TUBGCP4: variants seen among roughly 807,000 people sequenced by gnomAD.
TUBGCP4 encodes gamma-tubulin complex component 4.
TUBGCP4 carries 54 observed loss-of-function variants against 91.6 expected under a neutral mutation model. That is an observed-to-expected ratio of 0.59 (90% CI 0.47 to 0.74). The LOEUF is 0.74. TUBGCP4 is among the 30% of genes least tolerant of loss of function. TUBGCP4 has a pLI of 0.00. For missense variants in TUBGCP4, 593 were observed against 800.9 expected, an observed-to-expected ratio of 0.74 and a Z score of 3.13; for synonymous variants, 297 against 302.8, an observed-to-expected ratio of 0.98 and a Z score of 0.20.
At chr15:43,390,515 C>CTTT (rs201543896) in intron 9 of TUBGCP4, among the ~76,000 whole-genome samples, 2 of 137,038 alleles carry the variant, frequency 1.5e-5, no homozygotes, top group African/African-American at 5.4e-5. Flanking sequence ...TTTCTTTTTT[C>CTTT]TTTTTTTTTT....
rs1316454427 is a variant in TUBGCP4, at chr15:43,408,984, T to A, written c.*3770T>A. The stretch of plus-strand genomic sequence containing the variant: ...CTGGAGCTGGTTGGCATGGCAACTA[T>A]CATGGACCCAGACATGAGACACACA... On this transcript the variant is annotated 3_prime_UTR_variant, in exon 18 of 18. Coordinates refer to ENST00000564079, the MANE Select transcript of TUBGCP4 (RefSeq NM_014444.5). 1.9e-6 allele frequency: 3 copies of A among 1,614,076 alleles called. No homozygotes were observed. Among genetic ancestry groups the A allele is most frequent in the Non-Finnish European group, 2.5e-6 (3 of 1,180,040 alleles).
At chr15:43,386,443 G>C (rs1325164490) in intron 9 of TUBGCP4, 113 bp downstream of exon 9, 1 of 133,794 alleles carries the variant, frequency 7.5e-6, no homozygotes, top group Non-Finnish European at 1.4e-5. Flanking sequence ...TGAGTTACTT[G>C]GTCGGGCGCA....
chr15:43,379,879 G>A (rs2044262620), intron 5 of TUBGCP4, among the ~76,000 whole-genome samples: 1 of 152,194 alleles, frequency 6.6e-6, no homozygotes, highest in African/African-American at 2.4e-5. Flanking sequence ...TTCTAACCAA[G>A]AGTTTGCATG....
intron 14 of TUBGCP4, among the ~76,000 whole-genome samples, chr15:43,400,840 C>T (rs1304654675): frequency 6.6e-6 from 1 of 151,632 alleles, no homozygotes; most frequent in African/African-American, 2.4e-5. Context: ...ATCGCTTGAA[C>T]CTGGGAGGTG....
chr15:43,403,717 G>C lies in TUBGCP4; in HGVS notation c.1766G>C (p.Cys589Ser). Residue 589 changes from cysteine to serine, a missense_variant, in exon 16 of 18, where the codon TGT (cysteine) becomes TCT (serine). Physicochemically the swap from Cys to Ser is moderately radical, Grantham distance 112. Coordinates refer to ENST00000564079, the MANE Select transcript of TUBGCP4 (RefSeq NM_014444.5). ...FHCLNEILDLCHSFCSLVSQN... is the reference protein window; with the variant it reads ...FHCLNEILDLSHSFCSLVSQN... ...TGCCTGAATGAAATCCTAGATCTCT[G>C]TCACAGTTTTTGTTCGCTGGTCAGT... 1.2e-6 allele frequency: 2 copies of C among 1,613,262 alleles called. No homozygotes were observed. The highest frequency in any genetic ancestry group is 1.7e-6 in the Non-Finnish European group (2 of 1,179,938).
Position 43,409,619 on chromosome 15 carries a change from T to A in TUBGCP4, c.*4405T>A. 1 of 1,310,412 alleles carries A rather than the reference T, an allele frequency of 7.6e-7. No individual in the cohort carries two copies. The highest frequency in any genetic ancestry group is 1.1e-6 in the Non-Finnish European group (1 of 947,140). The allele number at this position is 1,310,412 out of a possible 1,614,324, so 81.2% of individuals were successfully genotyped here. ...AAGTTGGCTCTTATCATTGCCACTA[T>A]ATTAGGTTACACAAAGAAACTCCTC... On this transcript the variant is annotated 3_prime_UTR_variant, in exon 18 of 18. Coordinates refer to ENST00000564079, the MANE Select transcript of TUBGCP4 (RefSeq NM_014444.5).
In TUBGCP4 at chr15:43,376,509, C is replaced by T. The variant is rs779155151; in HGVS notation, c.214C>T (p.His72Tyr). 1.9e-6 allele frequency: 3 copies of T among 1,614,098 alleles called. No homozygotes were observed. Among genetic ancestry groups the T allele is most frequent in the East Asian group, 2.2e-5 (1 of 44,900 alleles). Residue 72 changes from histidine to tyrosine, a missense_variant, in exon 3 of 18, where the codon CAT becomes TAT. Physicochemically the swap from His to Tyr is moderately conservative, Grantham distance 83 (BLOSUM62 2). Coordinates refer to ENST00000564079, the MANE Select transcript of TUBGCP4 (RefSeq NM_014444.5). The part of the protein sequence containing the change: ...YTGHVQQQDH[H>Y]PSQQGQGGLH... ...TCTGTTTGTTTGATTTCAGGATCAC[C>T]ATCCATCTCAACAGGGCCAAGGTGG...
chr15:43,374,420 G>A (rs988478801), intron 1 of TUBGCP4, among the ~76,000 whole-genome samples: 3 of 151,994 alleles, frequency 2.0e-5, no homozygotes, highest in Non-Finnish European at 2.9e-5. Flanking sequence ...GCTAGCCTGC[G>A]CAACAGAGCA....
chr15:43,409,057 G>T lies in TUBGCP4; in HGVS notation c.*3843G>T. 1 of 1,614,200 alleles carries T rather than the reference G, an allele frequency of 6.2e-7. No homozygotes were observed. Among genetic ancestry groups the T allele is most frequent in the Non-Finnish European group, 8.5e-7 (1 of 1,180,034 alleles). The stretch of plus-strand genomic sequence containing the variant: ...AGGAAGTACTTCCGGGTTCGACAAT[G>T]CTGATCCGCAATTAGAAGACACTGG... On this transcript the variant is annotated 3_prime_UTR_variant, in exon 18 of 18. Coordinates refer to ENST00000564079, the MANE Select transcript of TUBGCP4 (RefSeq NM_014444.5).
intron 1 of TUBGCP4, among the ~76,000 whole-genome samples, chr15:43,373,529 A>G (rs1214099585): frequency 6.6e-6 from 1 of 152,166 alleles, no homozygotes; most frequent in Non-Finnish European, 1.5e-5. Flanking sequence ...TATTTTCTTC[A>G]GTTTATAGGT....
chr15:43,380,125 C>G lies in TUBGCP4; in HGVS notation c.483C>G (p.Ser161Arg). 1 of 1,614,100 alleles carries G rather than the reference C, an allele frequency of 6.2e-7. No homozygotes were observed. The highest frequency in any genetic ancestry group is 8.5e-7 in the Non-Finnish European group (1 of 1,179,952). ...TCCTGGAAACAGTCTACAAACACAG[C>G]TGTGGGGGGTTGCCTCCTGTTCGAA... The part of the protein sequence containing the change: ...CQILETVYKH[S>R]CGGLPPVRSA... Residue 161 changes from serine to arginine, a missense_variant, in exon 6 of 18, where the codon AGC becomes AGG. Physicochemically the swap from Ser to Arg is moderately radical, Grantham distance 110. Transcript: ENST00000564079.
At position 43,407,348 on chromosome 15, in the gene TUBGCP4, A is replaced by G; in HGVS notation, c.*2134A>G. The G allele has an allele frequency of 6.3e-7, 1 of 1,596,422 alleles. No individual in the cohort carries two copies. The highest frequency in any genetic ancestry group is 1.1e-5 in the South Asian group (1 of 90,122). On this transcript the variant is annotated 3_prime_UTR_variant, in exon 18 of 18. Transcript: ENST00000564079. ...ACCTGGTTAAAACACAATCTCCACG[A>G]TAGCAGGGAATAAAACCAGTAAGAC...
At chr15:43,386,055 A>C in intron 8 of TUBGCP4, 99 bp downstream of exon 8, 1 of 1,532,622 alleles carries the variant, frequency 6.5e-7, no homozygotes. Context: ...AGTGGTCGAT[A>C]ATATTCCTAT....
intron 9 of TUBGCP4, among the ~76,000 whole-genome samples, chr15:43,386,614 A>G (rs1376463048): frequency 6.8e-6 from 1 of 148,052 alleles, no homozygotes; most frequent in Non-Finnish European, 1.5e-5. Flanking sequence ...AGTCCCAGCT[A>G]CTTACGAGGC....
At chr15:43,392,914 G>A (rs912484514) in intron 9 of TUBGCP4, among the ~76,000 whole-genome samples, 1 of 152,014 alleles carries the variant, frequency 6.6e-6, no homozygotes, top group Admixed American at 6.6e-5. Context: ...ACCTTTCTGT[G>A]TGCTTTCATC....
intron 13 of TUBGCP4, chr15:43,399,166 T>C (rs1315416485): frequency 1.6e-6 from 2 of 1,244,506 alleles, no homozygotes; most frequent in Non-Finnish European, 1.0e-6. Context: ...CAAGCCTACC[T>C]ACAAACAGGT....
rs563233241 is a variant in TUBGCP4, at chr15:43,392,554, A to G, written c.1015-2553A>G. 6.6e-5 allele frequency among the ~76,000 whole-genome samples: 10 copies of G among 152,230 alleles called. No homozygotes were observed. In the South Asian group the frequency reaches 1.9e-3, roughly 28 times the overall value. ...TGCTCTGTCACCCAGGCTGGAGTGC[A>G]GTGGCGTGATCTCGGCTCACTGCAA... is the stretch of plus-strand genomic sequence containing the variant. On this transcript the variant is annotated intron_variant, in intron 9 of 17. Coordinates refer to ENST00000564079, the MANE Select transcript of TUBGCP4 (RefSeq NM_014444.5).
At chr15:43,375,837 G>C (rs984337086) in intron 1 of TUBGCP4, among the ~76,000 whole-genome samples, 3 of 152,152 alleles carry the variant, frequency 2.0e-5, no homozygotes, top group Admixed American at 6.5e-5. Context: ...TTCTGGGGTG[G>C]TTGACTTATT....
At chr15:43,392,475 T>C (rs1440259721) in intron 9 of TUBGCP4, among the ~76,000 whole-genome samples, 1 of 151,982 alleles carries the variant, frequency 6.6e-6, no homozygotes, top group Non-Finnish European at 1.5e-5. Context: ...CTAATACAGG[T>C]CTGGTTTTTG....
Sources: gnomAD v4.1 joint callset for allele counts (sites outside exome capture counted in the v4.1 genomes callset) on GRCh38, gnomAD v4.1.1 for gene constraint, MANE v1.5 for transcripts, NCBI Gene and HGNC (gene_info 2026-07-23, HGNC 2026-07-21) for gene names.